The following SYT7 variants were observed in gnomAD, a reference collection of about 807,000 sequenced individuals.
SYT7 encodes the protein synaptotagmin 7.
SYT7 carries 29 observed loss-of-function variants against 75.1 expected under a neutral mutation model. The observed-to-expected ratio is 0.39, with a 90% CI of 0.29 to 0.53. SYT7 has a LOEUF of 0.53. Ranked by LOEUF, SYT7 falls within the 20% of genes least tolerant of loss-of-function variation. The pLI, the probability that SYT7 is intolerant of heterozygous loss-of-function variation, is 0.77. For synonymous variants in SYT7, 376 were observed against 401.7 expected (o/e 0.94, Z 0.76); for missense variants, 693 against 953.2 (o/e 0.73, Z 3.59).
chr11:61,585,515 C>A (rs553941968), upstream of SYT7, among the ~76,000 whole-genome samples: 20 of 152,266 alleles, frequency 1.3e-4, no homozygotes, highest in African/African-American at 4.8e-4. Flanking sequence ...TTCTCCTACC[C>A]CCTAGACTTC....
In SYT7 at chr11:61,542,252, C is replaced by G. The variant is rs1359420178; in HGVS notation, c.900G>C (p.Val300=). ...CCAAGCCTCGGTTTCGAATCTGCCC[C>G]ACCACGTGGTCCCAGCTGCCTGGGT... The part of the protein sequence containing the change: ...RSNPGSWDHV[V]GQIRNRGLDM... The change falls in exon 6 of 13, where the codon GTG becomes GTC. Residue 300 remains valine, a synonymous_variant. Transcript: ENST00000539008. This position sits in a 1 kb window ranked among gnomAD's most constrained non-coding sequence, Gnocchi z 7.8. The G allele has an allele frequency of 6.5e-7, 1 of 1,535,098 alleles. No homozygotes were observed. Among genetic ancestry groups the G allele is most frequent in the Non-Finnish European group, 8.7e-7 (1 of 1,146,482 alleles).
At chr11:61,583,393 A>C (rs1043370967), upstream of SYT7, among the ~76,000 whole-genome samples, 7 of 152,336 alleles carry the variant, frequency 4.6e-5, no homozygotes, top group African/African-American at 1.7e-4. Flanking sequence ...ACAGGTCTTT[A>C]CTAAGCATCT....
chr11:61,518,970 T>TA (rs1413311422), intron 12 of SYT7, among the ~76,000 whole-genome samples: 4 of 152,344 alleles, frequency 2.6e-5, no homozygotes, highest in African/African-American at 9.6e-5. Context: ...CTCTCGGAAT[T>TA]AGACTGCCAA....
chr11:61,527,688 A>T (rs1391466069), intron 9 of SYT7, among the ~76,000 whole-genome samples: 2 of 152,230 alleles, frequency 1.3e-5, no homozygotes, highest in African/African-American at 2.4e-5. Context: ...CCGGGCCAGG[A>T]CGTTGCCTGT....
intron 12 of SYT7, among the ~76,000 whole-genome samples, chr11:61,520,310 G>C (rs1376768467): frequency 6.6e-6 from 1 of 151,970 alleles, no homozygotes; most frequent in Non-Finnish European, 1.5e-5. Context: ...AATCACTTGA[G>C]CCCAGGAGTT....
intron 8 of SYT7, chr11:61,530,825 G>A: frequency 2.0e-6 from 2 of 985,408 alleles, no homozygotes; most frequent in African/African-American, 1.7e-5. Flanking sequence ...CCACAACCCT[G>A]AGCCCTACTT....
rs534413292 is a variant in SYT7, at chr11:61,562,258, T to C, written c.32-6051A>G. Reference sequence around the variant, plus strand: ...TTCCCAGCATACTGGGCCTACATCCTTCTTTTAGAGAATAGTGATTAGTGC... The same window carrying C: ...TTCCCAGCATACTGGGCCTACATCCCTCTTTTAGAGAATAGTGATTAGTGC... On this transcript the variant is annotated intron_variant, in intron 1 of 12. Coordinates refer to ENST00000539008, the MANE Select transcript of SYT7 (RefSeq NM_001365809.2). Among the ~76,000 whole-genome samples the C allele has an allele frequency of 1.1e-4, 16 of 152,356 alleles. No individual in the cohort carries two copies. The South Asian group carries it at 3.3e-3, about 32-fold the overall frequency.
In SYT7 at chr11:61,573,238, T is replaced by G. The variant is rs376077335; in HGVS notation, c.31+7552A>C. ...AACAAATCCTCAAAAGGACTAACTGTGTCCACAGGGCCCTGGGCCTGCCCA... is the reference window on the plus strand; with the variant it reads ...AACAAATCCTCAAAAGGACTAACTGGGTCCACAGGGCCCTGGGCCTGCCCA... On this transcript the variant is annotated intron_variant, in intron 1 of 12. Transcript: ENST00000539008. Among the ~76,000 whole-genome samples the G allele has an allele frequency of 4.6e-5, 7 of 152,296 alleles. No homozygotes were observed. The East Asian group carries it at 1.2e-3, about 25-fold the overall frequency.
intron 3 of SYT7, among the ~76,000 whole-genome samples, chr11:61,547,529 C>T (rs1590893322): frequency 6.6e-6 from 1 of 152,172 alleles, no homozygotes; most frequent in Admixed American, 6.5e-5. Flanking sequence ...TGCAAACATA[C>T]CAATGCACAC....
Position 61,551,309 on chromosome 11 carries a change from C to T in SYT7, c.215+75G>A. 7.2e-7 allele frequency: 1 copy of T among 1,384,736 alleles called. No individual in the cohort carries two copies. The highest frequency in any genetic ancestry group is 1.2e-5 in the South Asian group (1 of 85,036). The allele number at this position is 1,384,736 out of a possible 1,614,324, so 85.8% of individuals were successfully genotyped here. On this transcript the variant is annotated intron_variant, in intron 3 of 12. Coordinates refer to ENST00000539008, the MANE Select transcript of SYT7 (RefSeq NM_001365809.2). This position sits in a 1 kb window ranked among gnomAD's most constrained non-coding sequence, Gnocchi z 5.3. ...AAAGTGTGTGGTCAGGTCTGTGGGG[C>T]TGGGGGAGAGAAGGGGCTCCTCCCA...
At chr11:61,528,862 C>T (rs1016551932) in intron 8 of SYT7, among the ~76,000 whole-genome samples, 22 of 152,236 alleles carry the variant, frequency 1.4e-4, no homozygotes, top group Non-Finnish European at 1.3e-4. Context: ...GTGTAAAAGG[C>T]GCCTCAGATG....
intron 7 of SYT7, among the ~76,000 whole-genome samples, chr11:61,535,094 G>A (rs572720951): frequency 6.6e-6 from 1 of 152,356 alleles, no homozygotes; most frequent in Admixed American, 6.5e-5. Context: ...ACAGGACAGA[G>A]AGACAGAGGT....
At chr11:61,581,900 C>T (rs1482932407), upstream of SYT7, among the ~76,000 whole-genome samples, 1 of 152,196 alleles carries the variant, frequency 6.6e-6, no homozygotes, top group Non-Finnish European at 1.5e-5. Flanking sequence ...TGCCTCTCTG[C>T]CGGCTCAGCA....
At chr11:61,562,410 T>C (rs1407322353) in intron 1 of SYT7, among the ~76,000 whole-genome samples, 2 of 152,180 alleles carry the variant, frequency 1.3e-5, no homozygotes, top group Admixed American at 6.5e-5. Context: ...TATAGTCTCA[T>C]AGGACTATGG....
intron 6 of SYT7, among the ~76,000 whole-genome samples, chr11:61,539,225 A>ACCCC (rs886701266): frequency 7.9e-5 from 12 of 152,248 alleles, no homozygotes; most frequent in African/African-American, 2.9e-4. Flanking sequence ...TCAAGGCTGA[A>ACCCC]CGGGGAGGGG....
intron 1 of SYT7, among the ~76,000 whole-genome samples, chr11:61,562,526 C>T (rs2063664731): frequency 6.6e-6 from 1 of 152,138 alleles, no homozygotes; most frequent in Non-Finnish European, 1.5e-5. Flanking sequence ...CACATCGTGC[C>T]CTGGATTAGT....
intron 3 of SYT7, among the ~76,000 whole-genome samples, chr11:61,550,657 A>G (rs1312186579): frequency 6.6e-6 from 1 of 151,950 alleles, no homozygotes; most frequent in Non-Finnish European, 1.5e-5. Context: ...CCCCCAGCAA[A>G]AGCCTCCATT....
At chr11:61,556,670 TG>T (rs1258979386) in intron 1 of SYT7, among the ~76,000 whole-genome samples, 1 of 152,246 alleles carries the variant, frequency 6.6e-6, no homozygotes, top group Non-Finnish European at 1.5e-5. Context: ...TAGTGAAATT[TG>T]TCCAAAGGGT....
chr11:61,558,531 CACACAT>C (rs1184342046), intron 1 of SYT7, among the ~76,000 whole-genome samples: 63 of 149,600 alleles, frequency 4.2e-4, no homozygotes, highest in African/African-American at 1.6e-3. Context: ...CACACACACA[CACACAT>C]ATATATATAA....
Sources: allele counts gnomAD v4.1 joint callset (sites outside exome capture counted in the v4.1 genomes callset), GRCh38; gene constraint gnomAD v4.1.1; non-coding constraint Gnocchi (gnomAD v3.1); transcripts MANE v1.5; gene names NCBI Gene and HGNC (gene_info 2026-07-23, HGNC 2026-07-21).